Variants in CACNA1B observed in about 807,000 individuals in gnomAD.
CACNA1B encodes the protein voltage-dependent N-type calcium channel subunit alpha-1B.
A neutral mutation model predicts 247.2 loss-of-function variants in CACNA1B; 70 were observed. The observed-to-expected ratio is 0.28, with a 90% confidence interval of 0.23 to 0.35. CACNA1B has a LOEUF of 0.35. Among genes scored for constraint, CACNA1B ranks in the 10% least tolerant of loss-of-function variants. The probability of loss-of-function intolerance (pLI) is 1.00; values close to 1 mark genes in which losing one functional copy is unlikely to be tolerated. For synonymous variants in CACNA1B, 1,231 were observed against 1,294.4 expected (o/e 0.95, Z 1.05); for missense variants, 2,367 against 3,197.4 (o/e 0.74, Z 6.26).
chr9:138,013,504 C>T (rs1193337293), intron 18 of CACNA1B, among the ~76,000 whole-genome samples: 3 of 152,050 alleles, frequency 2.0e-5, no homozygotes, highest in African/African-American at 7.2e-5. Flanking sequence ...CCCTGGATAG[C>T]CTCAGGGTGG....
In CACNA1B at chr9:138,121,105, G is replaced by A. The variant is rs1962077446; in HGVS notation, c.6489+224G>A. ...CTCCTGCCTGGGTCACCCTGGGACA[G>A]TGGTTCTGCGTCCTATCCACTTTCG... is the stretch of plus-strand genomic sequence containing the variant. On this transcript the variant is annotated intron_variant, in intron 46 of 46. Coordinates refer to ENST00000371372, the MANE Select transcript of CACNA1B (RefSeq NM_000718.4). The surrounding 1 kb of genome is among the most constrained non-coding windows in gnomAD (Gnocchi z 6.8). Among the ~76,000 whole-genome samples, 1 of 152,200 alleles carries A rather than the reference G, an allele frequency of 6.6e-6. No individual in the cohort carries two copies. The highest frequency in any genetic ancestry group is 1.5e-5 in the Non-Finnish European group (1 of 68,030).
At chr9:137,937,433 G>A (rs1014286872) in intron 6 of CACNA1B, among the ~76,000 whole-genome samples, 1 of 152,018 alleles carries the variant, frequency 6.6e-6, no homozygotes, top group African/African-American at 2.4e-5. Context: ...AAGAAGTCTG[G>A]GATTATGTTA....
intron 6 of CACNA1B, among the ~76,000 whole-genome samples, chr9:137,937,947 CAAAAAAAA>C (rs57680122): frequency 7.1e-3 from 155 of 21,918 alleles, no homozygotes; most frequent in African/African-American, 0.02. Flanking sequence ...AACTCTGTCT[CAAAAAAAA>C]AAAAAAAAAA....
intron 15 of CACNA1B, among the ~76,000 whole-genome samples, chr9:137,989,129 G>A (rs1029198500): frequency 3.3e-5 from 5 of 152,170 alleles, no homozygotes; most frequent in African/African-American, 1.2e-4. Flanking sequence ...AACAAACACA[G>A]GTGACTTTAA....
chr9:137,919,705 G>A lies in CACNA1B; in HGVS notation c.966+2274G>A, dbSNP rs967307742. Among the ~76,000 whole-genome samples, 2 of 152,246 alleles carry A rather than the reference G, an allele frequency of 1.3e-5. No homozygotes were observed. Among genetic ancestry groups the A allele is most frequent in the African/African-American group, 4.8e-5 (2 of 41,470 alleles). On this transcript the variant is annotated intron_variant, in intron 6 of 46. Coordinates refer to ENST00000371372, the MANE Select transcript of CACNA1B (RefSeq NM_000718.4). The surrounding 1 kb of genome is among the most constrained non-coding windows in gnomAD (Gnocchi z 4.6). ...GGGCGGAAGCCCACGGCCTGCAGTA[G>A]GGGTGGAGGCAGAGAGATGGAAAGC...
At chr9:138,029,175 T>G (rs535546328) in intron 20 of CACNA1B, among the ~76,000 whole-genome samples, 1 of 152,256 alleles carries the variant, frequency 6.6e-6, no homozygotes, top group African/African-American at 2.4e-5. Context: ...ATGGGCATTA[T>G]AAAACTTGGC....
intron 23 of CACNA1B, 93 bp downstream of exon 23, chr9:138,047,551 C>A: frequency 5.9e-6 from 5 of 844,612 alleles, no homozygotes; most frequent in Non-Finnish European, 1.0e-5. Context: ...ACCACAATTT[C>A]TATAAACTCT....
At chr9:137,918,210 T>TG (rs34185755) in intron 6 of CACNA1B, among the ~76,000 whole-genome samples, 9,418 of 151,126 alleles carry the variant, frequency 0.062, 322 homozygotes, top group Non-Finnish European at 0.065. Flanking sequence ...GTATAAGGCT[T>TG]GGGGGGGGTG....
At chr9:137,992,201 C>T (rs966918420) in intron 15 of CACNA1B, among the ~76,000 whole-genome samples, 1 of 152,106 alleles carries the variant, frequency 6.6e-6, no homozygotes, top group African/African-American at 2.4e-5. Flanking sequence ...GGGAGACTCA[C>T]CTAACACATA....
At chr9:137,894,747 T>C (rs1001000198) in intron 3 of CACNA1B, among the ~76,000 whole-genome samples, 2 of 152,182 alleles carry the variant, frequency 1.3e-5, no homozygotes, top group Admixed American at 6.6e-5. Context: ...TCATATATTT[T>C]GCTCATATTC....
At chr9:137,916,578 C>G (rs1004766727) in intron 5 of CACNA1B, among the ~76,000 whole-genome samples, 2 of 152,202 alleles carry the variant, frequency 1.3e-5, no homozygotes, top group African/African-American at 2.4e-5. Context: ...GGTACATGTT[C>G]GGTTGGTTCC....
chr9:137,994,855 AAAC>A (rs1958477491), intron 15 of CACNA1B, among the ~76,000 whole-genome samples: 1 of 152,236 alleles, frequency 6.6e-6, no homozygotes. Flanking sequence ...GAACTAGAAA[AAAC>A]AATCCTAAAA....
At chr9:138,087,107 C>T (rs1010600131) in intron 36 of CACNA1B, among the ~76,000 whole-genome samples, 3 of 151,080 alleles carry the variant, frequency 2.0e-5, no homozygotes, top group Non-Finnish European at 4.4e-5. Flanking sequence ...ACAATTTGGC[C>T]TGGCACAGTA....
Position 137,882,866 on chromosome 9 carries a change from C to T in CACNA1B, c.513C>T (p.Phe171=), listed in dbSNP as rs200076426. Residue 171 remains phenylalanine (F), a synonymous_variant, in exon 3 of 47, where the codon TTC becomes TTT. Transcript: ENST00000371372. This position sits in a 1 kb window ranked among gnomAD's most constrained non-coding sequence, Gnocchi z 4.0. ...YLRNGWNVMD[F]VVVLTGILAT... is the part of the protein sequence containing the mutation. Reference sequence around the variant, plus strand: ...GGAACGGCTGGAACGTCATGGACTTCGTGGTCGTCCTCACAGGGTAGGCAA... The same window carrying T: ...GGAACGGCTGGAACGTCATGGACTTTGTGGTCGTCCTCACAGGGTAGGCAA... 27 of 1,613,746 alleles carry T rather than the reference C, an allele frequency of 1.7e-5. No homozygotes were observed. Among genetic ancestry groups the T allele is most frequent in the African/African-American group, 6.7e-5 (5 of 74,894 alleles).
chr9:138,088,024 C>T (rs563140795), intron 36 of CACNA1B, among the ~76,000 whole-genome samples: 7 of 151,882 alleles, frequency 4.6e-5, no homozygotes, highest in Non-Finnish European at 8.8e-5. Context: ...AAGATCAGAA[C>T]AAGAGCAAAA....
At chr9:137,942,596 A>G (rs1957745539) in intron 6 of CACNA1B, among the ~76,000 whole-genome samples, 2 of 152,252 alleles carry the variant, frequency 1.3e-5, no homozygotes, top group South Asian at 4.1e-4. Context: ...CAACCAGTGG[A>G]TAAAGAAACT....
chr9:138,049,158 G>T, intron 23 of CACNA1B, 51 bp from the exon 24 acceptor site: 2 of 1,248,338 alleles, frequency 1.6e-6, no homozygotes, highest in Non-Finnish European at 2.4e-6. Context: ...CCTGGCCTCT[G>T]CCTGTCTTTT....
intron 25 of CACNA1B, 131 bp from the exon 26 acceptor site, chr9:138,053,715 G>A: frequency 1.8e-6 from 1 of 546,408 alleles, no homozygotes; most frequent in South Asian, 1.9e-5. Flanking sequence ...TTACGGCCAT[G>A]CCCTCCCACC....
intron 36 of CACNA1B, among the ~76,000 whole-genome samples, chr9:138,088,393 A>T (rs1265410250): frequency 6.6e-6 from 1 of 152,130 alleles, no homozygotes; most frequent in African/African-American, 2.4e-5. Flanking sequence ...TGTTTTTTTG[A>T]AAAGATAATT....
Sources: gnomAD v4.1 joint callset for allele counts (sites outside exome capture counted in the v4.1 genomes callset) on GRCh38, gnomAD v4.1.1 for gene constraint, Gnocchi (gnomAD v3.1) non-coding constraint, MANE v1.5 for transcripts, NCBI Gene and HGNC (gene_info 2026-07-23, HGNC 2026-07-21) for gene names.